The following MAMLD1 variants were observed in gnomAD, a reference collection of about 807,000 sequenced individuals.
The protein encoded by MAMLD1 is mastermind-like domain-containing protein 1.
A neutral mutation model predicts 45.0 loss-of-function variants in MAMLD1; 14 were observed. The observed-to-expected ratio is 0.31, with a 90% CI of 0.21 to 0.49. MAMLD1 has a LOEUF of 0.49. MAMLD1 is among the 20% of genes least tolerant of loss of function. The pLI, the probability that MAMLD1 is intolerant of heterozygous loss-of-function variation, is 0.99. For synonymous variants in MAMLD1, 254 were observed against 247.8 expected (o/e 1.02, Z -0.24); for missense variants, 543 against 603.6 (o/e 0.90, Z 1.05).
intron 1 of MAMLD1, among the ~76,000 whole-genome samples, chrX:150,365,195 G>A (rs1385888410): frequency 9.2e-6 from 1 of 108,650 alleles, no homozygotes; most frequent in Admixed American, 9.7e-5. Context: ...AAGGGGAAAA[G>A]GGACGCAGAG....
chrX:150,365,773 C>T (rs1261046746), intron 1 of MAMLD1, among the ~76,000 whole-genome samples: 2 of 112,751 alleles, frequency 1.8e-5, no homozygotes, highest in Non-Finnish European at 3.8e-5. Context: ...CTCCGGGGTT[C>T]GTGTAGCCTA....
At chrX:150,385,995 A>C (rs5924895) in intron 1 of MAMLD1, among the ~76,000 whole-genome samples, 56,152 of 109,656 alleles carry the variant, frequency 0.51, 11,025 homozygotes, top group African/African-American at 0.64. Context: ...AGCACTAGTT[A>C]GGAAGCACTC....
At chrX:150,449,511 G>C (rs1239292340) in intron 2 of MAMLD1, among the ~76,000 whole-genome samples, 5 of 111,658 alleles carry the variant, frequency 4.5e-5, no homozygotes, top group Admixed American at 9.4e-5. Flanking sequence ...GTGTTTATGT[G>C]ACGGGGTTCA....
chrX:150,369,627 C>G (rs1334171991), intron 1 of MAMLD1, among the ~76,000 whole-genome samples: 1 of 112,248 alleles, frequency 8.9e-6, no homozygotes, highest in Non-Finnish European at 1.9e-5. Flanking sequence ...GGCAGGCCTC[C>G]TAATCATTGG....
At chrX:150,450,811 T>C (rs1485889436) in intron 2 of MAMLD1, among the ~76,000 whole-genome samples, 1 of 112,315 alleles carries the variant, frequency 8.9e-6, no homozygotes, top group Admixed American at 9.3e-5. Flanking sequence ...TGAGGAGACC[T>C]GAATCTGTAA....
intron 5 of MAMLD1, among the ~76,000 whole-genome samples, chrX:150,477,538 G>A: frequency 9.0e-6 from 1 of 111,708 alleles, no homozygotes; most frequent in Non-Finnish European, 1.9e-5. Context: ...GGTGGCTGAG[G>A]AGCAGCCAAG....
intron 1 of MAMLD1, among the ~76,000 whole-genome samples, chrX:150,435,613 C>T: frequency 8.9e-6 from 1 of 112,849 alleles, no homozygotes; most frequent in Non-Finnish European, 1.9e-5. Flanking sequence ...GGTGTCGTTG[C>T]ATGTGATATG....
intron 5 of MAMLD1, among the ~76,000 whole-genome samples, chrX:150,489,653 G>A (rs1374125855): frequency 2.8e-5 from 3 of 108,911 alleles, no homozygotes; most frequent in Non-Finnish European, 3.8e-5. Flanking sequence ...TGTTCACTGG[G>A]GCAGTGGGGG....
Position 150,459,845 on chromosome X carries a change from G to A in MAMLD1, c.97-2927G>A, listed in dbSNP as rs782612633. 5.0e-4 allele frequency among the ~76,000 whole-genome samples: 54 copies of A among 108,817 alleles called. 1 individual carries two copies. In the South Asian group the frequency reaches 0.021, roughly 43 times the overall value. The allele number at this position is 108,817 out of a possible 115,157, so 94.5% of individuals were successfully genotyped here. On this transcript the variant is annotated intron_variant, in intron 2 of 7. Transcript: ENST00000370401. ...AGAAAGGAAGAGAGGGAGGGATGGA[G>A]GGAGGGAGGGAGGGAGGAAGGAAGG...
intron 5 of MAMLD1, among the ~76,000 whole-genome samples, chrX:150,478,678 G>A (rs1276911211): frequency 4.4e-5 from 5 of 112,480 alleles, no homozygotes; most frequent in Non-Finnish European, 9.4e-5. Flanking sequence ...TAAAGGACTG[G>A]GGACCAGGCA....
chrX:150,460,951 C>T (rs1325187973), intron 2 of MAMLD1, among the ~76,000 whole-genome samples: 2 of 112,540 alleles, frequency 1.8e-5, no homozygotes, highest in African/African-American at 6.5e-5. Flanking sequence ...CTGCCACTGC[C>T]TCAGGGACCT....
At chrX:150,371,326 ATGGAG>A (rs1256203824) in intron 1 of MAMLD1, among the ~76,000 whole-genome samples, 2 of 111,396 alleles carry the variant, frequency 1.8e-5, no homozygotes, top group East Asian at 5.7e-4. Context: ...TCAGAGAAGG[ATGGAG>A]TGGACCAGGT....
At chrX:150,434,328 G>A (rs187759321) in intron 1 of MAMLD1, among the ~76,000 whole-genome samples, 6 of 109,966 alleles carry the variant, frequency 5.5e-5, no homozygotes, top group African/African-American at 2.0e-4. Context: ...TGGTCTATCT[G>A]TCTTATTAAT....
chrX:150,495,587 C>A (rs2037351847), intron 5 of MAMLD1, among the ~76,000 whole-genome samples: 2 of 112,616 alleles, frequency 1.8e-5, no homozygotes, highest in South Asian at 7.3e-4. Flanking sequence ...ATCCGGCCAG[C>A]AGGACCAGGA....
rs187653359 is a variant in MAMLD1 at position 150,494,927 on chromosome X, C to T, written c.2041-8347C>T. Among the ~76,000 whole-genome samples the T allele has an allele frequency of 1.2e-3, 136 of 109,327 alleles. 1 individual carries two copies. The highest frequency in any genetic ancestry group is 4.4e-3 in the African/African-American group (131 of 29,907). 94.9% of individuals were successfully genotyped at this position (109,327 alleles called of 115,157 possible). ...CAAACAAACAAACAAAAACCTTGGC[C>T]GGGTGTGGTGGCTCACACCTGTAAT... On this transcript the variant is annotated intron_variant, in intron 5 of 7. Coordinates refer to ENST00000370401, the MANE Select transcript of MAMLD1 (RefSeq NM_005491.5).
chrX:150,370,041 C>G (rs1460934633), intron 1 of MAMLD1, among the ~76,000 whole-genome samples: 4 of 107,864 alleles, frequency 3.7e-5, no homozygotes, highest in Admixed American at 2.0e-4. Flanking sequence ...ATGGATGTAA[C>G]TAAAAAACTC....
intron 1 of MAMLD1, chrX:150,420,864 G>A (rs2124552892): frequency 8.9e-6 from 1 of 112,352 alleles, no homozygotes; most frequent in East Asian, 2.8e-4. Context: ...GGACATTTAA[G>A]TCTGCAGAGG....
intron 1 of MAMLD1, among the ~76,000 whole-genome samples, chrX:150,389,203 C>T (rs934690509): frequency 3.6e-5 from 4 of 110,963 alleles, no homozygotes; most frequent in Admixed American, 1.9e-4. Context: ...CACACTGCCA[C>T]GCCTGACTAA....
In MAMLD1 at chrX:150,469,972, T is replaced by G. The variant is rs2036362721; in HGVS notation, c.399T>G (p.Asn133Lys). ...GVAGQSLLLE[N>K]NPMNGNIMGS... Reference sequence around the variant, plus strand: ...CTGGCCAGTCATTACTGCTGGAGAATAACCCTATGAATGGCAACATCATGG... The same window carrying G: ...CTGGCCAGTCATTACTGCTGGAGAAGAACCCTATGAATGGCAACATCATGG... Residue 133 changes from asparagine to lysine, a missense_variant, in exon 4 of 8, where the codon AAT (asparagine) becomes AAG (lysine). Coordinates refer to ENST00000370401, the MANE Select transcript of MAMLD1 (RefSeq NM_005491.5). The G allele has an allele frequency of 8.3e-7, 1 of 1,209,923 alleles. No homozygotes were observed. The highest frequency in any genetic ancestry group is 1.8e-5 in the African/African-American group (1 of 57,079).
Sources: gnomAD v4.1 joint callset for allele counts (sites outside exome capture counted in the v4.1 genomes callset) on GRCh38, gnomAD v4.1.1 for gene constraint, MANE v1.5 for transcripts, NCBI Gene and HGNC (gene_info 2026-07-23, HGNC 2026-07-21) for gene names.